Variants in UGT1A5 observed in about 807,000 individuals in gnomAD.
UGT1A5 encodes the protein UDP glucuronosyltransferase family 1 member A5.
In UGT1A5, 29 loss-of-function variants were observed where a neutral mutation model predicts 40.3. That is an observed-to-expected ratio of 0.72 (90% confidence interval 0.54 to 0.98). The LOEUF (loss-of-function observed/expected upper bound fraction) is 0.98. UGT1A5 is among the 50% of genes least tolerant of loss of function. The pLI is 0.00. For synonymous variants in UGT1A5, 257 were observed against 262.5 expected (o/e 0.98, Z 0.20); for missense variants, 678 against 677.9 (o/e 1.00, Z 0.00).
intron 1 of UGT1A5, among the ~76,000 whole-genome samples, chr2:233,761,978 G>A (rs947618547): frequency 6.6e-6 from 1 of 152,138 alleles, no homozygotes; most frequent in Non-Finnish European, 1.5e-5. Flanking sequence ...TATCACCTTC[G>A]GAGGTGACCT....
chr2:233,713,352 T>C lies in UGT1A5; in HGVS notation c.361T>C (p.Ser121Pro). Reference protein sequence around the residue: ...SRRMAIMNNMSLIIHRSCVEL... With the variant: ...SRRMAIMNNMPLIIHRSCVEL... ...AAGAATGGCAATTATGAACAATATG[T>C]CTTTGATCATACATAGGTCTTGTGT... The change falls in exon 1 of 5, where the codon TCT becomes CCT. Residue 121 changes from serine to proline, a missense_variant. Transcript: ENST00000373414. The C allele has an allele frequency of 1.2e-6, 2 of 1,614,192 alleles. No homozygotes were observed. The highest frequency in any genetic ancestry group is 1.7e-6 in the Non-Finnish European group (2 of 1,180,026).
At chr2:233,729,228 GC>G in intron 1 of UGT1A5, 1 of 1,614,164 alleles carries the variant, frequency 6.2e-7, no homozygotes, top group African/African-American at 1.3e-5. Flanking sequence ...TGTTGGTGGT[GC>G]CCATTGATGG....
chr2:233,736,850 CTGCAGAACAGCAAATAT>C (rs1213146640), intron 1 of UGT1A5, among the ~76,000 whole-genome samples: 4 of 152,338 alleles, frequency 2.6e-5, no homozygotes, highest in African/African-American at 7.2e-5. Flanking sequence ...CCAGTGGAGG[CTGCAGAACAGCAAATAT>C]TGCAGAACAG....
chr2:233,764,106 T>G (rs966057827), intron 1 of UGT1A5, among the ~76,000 whole-genome samples: 1 of 152,214 alleles, frequency 6.6e-6, no homozygotes, highest in Non-Finnish European at 1.5e-5. Flanking sequence ...AAATACAAAA[T>G]TCTTGGTAAA....
At chr2:233,764,883 A>C (rs1698677013) in intron 1 of UGT1A5, among the ~76,000 whole-genome samples, 1 of 152,176 alleles carries the variant, frequency 6.6e-6, no homozygotes, top group Non-Finnish European at 1.5e-5. Context: ...GGGAAAAGGC[A>C]AAGACAAAGC....
intron 1 of UGT1A5, among the ~76,000 whole-genome samples, chr2:233,737,011 AG>A (rs2078834177): frequency 1.3e-5 from 2 of 152,192 alleles, no homozygotes; most frequent in Non-Finnish European, 2.9e-5. Context: ...CCGCTTGAGG[AG>A]GCAGTCTGTC....
intron 1 of UGT1A5, chr2:233,747,623 G>T: frequency 6.3e-7 from 1 of 1,577,752 alleles, no homozygotes; most frequent in Admixed American, 1.7e-5. Context: ...ATGAGGCCCT[G>T]ATCAGGCACC....
At chr2:233,768,541 A>C (rs1699639375) in intron 4 of UGT1A5, 102 bp downstream of exon 4, 3 of 1,492,216 alleles carry the variant, frequency 2.0e-6, no homozygotes, top group Non-Finnish European at 2.7e-6. Flanking sequence ...GTTGTTTCAA[A>C]TATAAAAACA....
chr2:233,758,057 A>G (rs1435615594), intron 1 of UGT1A5, among the ~76,000 whole-genome samples: 1 of 151,980 alleles, frequency 6.6e-6, no homozygotes, highest in Non-Finnish European at 1.5e-5. Context: ...ACCATTTCTA[A>G]CTTGACTTTC....
intron 1 of UGT1A5, chr2:233,740,955 A>G (rs1274225683): frequency 1.3e-5 from 2 of 151,640 alleles, no homozygotes; most frequent in Non-Finnish European, 2.9e-5. Flanking sequence ...TAGGTGTGGT[A>G]GCATTTCTGT....
At chr2:233,756,295 GTA>G (rs1308500141) in intron 1 of UGT1A5, 2 of 152,134 alleles carry the variant, frequency 1.3e-5, no homozygotes, top group Non-Finnish European at 2.9e-5. Context: ...CACAGTATTT[GTA>G]TATAACCTAC....
rs757687307 is a variant in UGT1A5, at chr2:233,767,853, T to A, written c.1004T>A (p.Leu335Gln). The change falls in exon 3 of 5, where the codon CTG (leucine) becomes CAG (glutamine). Residue 335 changes from leucine (L) to glutamine (Q), a missense_variant. Physicochemically the swap from Leu to Gln is moderately radical, Grantham distance 113 (BLOSUM62 -2). Transcript: ENST00000373414. ...DALGKIPQTV[L>Q]WRYTGTRPSN... ...TGCTCTTTTTGCCCCTCCCAGGTCCTGTGGCGGTACACTGGAACCCGACCA... is the reference window on the plus strand; with the variant it reads ...TGCTCTTTTTGCCCCTCCCAGGTCCAGTGGCGGTACACTGGAACCCGACCA... 7.4e-6 allele frequency: 12 copies of A among 1,614,210 alleles called. No homozygotes were observed. Among genetic ancestry groups the A allele is most frequent in the African/African-American group, 1.3e-5 (1 of 75,056 alleles).
rs1249331325 is a variant in UGT1A5 at position 233,743,910 on chromosome 2, C to T, written c.868-23124C>T. ...GGCACGTCCAGCACCTCGTAGTAGT[C>T]CACCATGCTGGATGGCCAGAACGGC... On this transcript the variant is annotated intron_variant, in intron 1 of 4. Coordinates refer to ENST00000373414, the MANE Select transcript of UGT1A5 (RefSeq NM_019078.2). The T allele has an allele frequency of 1.3e-5, 18 of 1,365,836 alleles. No homozygotes were observed. In the South Asian group the frequency reaches 2.0e-4, roughly 16 times the overall value. The allele number at this position is 1,365,836 out of a possible 1,614,324, so 84.6% of individuals were successfully genotyped here.
At chr2:233,764,025 G>T (rs1387179659) in intron 1 of UGT1A5, among the ~76,000 whole-genome samples, 1 of 152,188 alleles carries the variant, frequency 6.6e-6, no homozygotes, top group Non-Finnish European at 1.5e-5. Flanking sequence ...TGGTGTCTAA[G>T]TGCTAAAGAA....
At chr2:233,729,664 T>G (rs755209657) in intron 1 of UGT1A5, 35 of 1,613,812 alleles carry the variant, frequency 2.2e-5, no homozygotes, top group Non-Finnish European at 3.0e-5. Context: ...TCCATGTGAT[T>G]TAGACTTTAA....
chr2:233,729,265 G>A (rs761772546), intron 1 of UGT1A5: 3 of 1,614,128 alleles, frequency 1.9e-6, no homozygotes, highest in East Asian at 2.2e-5. Flanking sequence ...CATGCGGGAG[G>A]TCTTGCGGGA....
chr2:233,773,017 C>A lies in UGT1A5; in HGVS notation c.*458C>A. 4.9e-6 allele frequency: 1 copy of A among 206,174 alleles called. No individual in the cohort carries two copies. The allele number at this position is 206,174 out of a possible 1,614,324, so 12.8% of individuals were successfully genotyped here. ...CTCTGTCGTGCTTCATAGGTGCCAC[C>A]TTGTGTGTTTAAAGAAGGGAAGCTT... On this transcript the variant is annotated 3_prime_UTR_variant, in exon 5 of 5. Transcript: ENST00000373414.
chr2:233,731,684 T>C (rs2078191188), intron 1 of UGT1A5, among the ~76,000 whole-genome samples: 1 of 152,270 alleles, frequency 6.6e-6, no homozygotes, highest in Non-Finnish European at 1.5e-5. Flanking sequence ...CAGTCTATCA[T>C]TGATGGACAT....
chr2:233,733,312 C>T, intron 1 of UGT1A5, among the ~76,000 whole-genome samples: 1 of 152,116 alleles, frequency 6.6e-6, no homozygotes, highest in Non-Finnish European at 1.5e-5. Context: ...CTTTCTCTTG[C>T]CTGATTGCCC....
Sources: allele counts gnomAD v4.1 joint callset (sites outside exome capture counted in the v4.1 genomes callset), GRCh38; gene constraint gnomAD v4.1.1; transcripts MANE v1.5; gene names NCBI Gene and HGNC (gene_info 2026-07-23, HGNC 2026-07-21).